The following XPO7 variants were observed in gnomAD, a reference collection of about 807,000 sequenced individuals.
XPO7 encodes exportin 7, also known as exportin-7.
XPO7 carries 21 observed loss-of-function variants against 144.3 expected under a neutral mutation model. The observed-to-expected ratio is 0.15, with a 90% confidence interval of 0.10 to 0.21. The LOEUF (loss-of-function observed/expected upper bound fraction) is 0.21, where lower values mean the gene tolerates loss of function less well. Among genes scored for constraint, XPO7 ranks in the 10% least tolerant of loss-of-function variants. The pLI, the probability that XPO7 is intolerant of heterozygous loss-of-function variation, is 1.00. For missense variants in XPO7, 808 were observed against 1,325.8 expected (o/e 0.61, Z 6.06); for synonymous variants, 580 against 499.6 (o/e 1.16, Z -2.15).
chr8:22,005,117 C>G lies in XPO7; in HGVS notation c.*29C>G. ...CTCCTTGGACTCTACCTGTACAGAGCAGCGTCCCTTTGGTTTGGCCCAGAG... is the reference window on the plus strand; with the variant it reads ...CTCCTTGGACTCTACCTGTACAGAGGAGCGTCCCTTTGGTTTGGCCCAGAG... On this transcript the variant is annotated 3_prime_UTR_variant, in exon 28 of 28. Transcript: ENST00000252512. 1 of 1,565,382 alleles carries G rather than the reference C, an allele frequency of 6.4e-7. No individual in the cohort carries two copies. Among genetic ancestry groups the G allele is most frequent in the Non-Finnish European group, 8.7e-7 (1 of 1,144,858 alleles).
At chr8:21,949,644 C>T (rs1811305855) in intron 1 of XPO7, among the ~76,000 whole-genome samples, 1 of 152,202 alleles carries the variant, frequency 6.6e-6, no homozygotes, top group Non-Finnish European at 1.5e-5. Flanking sequence ...TTCTTTCCCC[C>T]ATATAACAAC....
intron 16 of XPO7, among the ~76,000 whole-genome samples, chr8:21,990,100 C>T (rs375165730): frequency 1.3e-4 from 19 of 151,876 alleles, no homozygotes; most frequent in African/African-American, 4.6e-4. Flanking sequence ...CTGCCCTCCT[C>T]GGCCTCTCAA....
At chr8:21,972,793 A>G (rs999292692) in intron 5 of XPO7, among the ~76,000 whole-genome samples, 3 of 152,192 alleles carry the variant, frequency 2.0e-5, no homozygotes, top group African/African-American at 7.2e-5. Context: ...TATTGCTCAT[A>G]ATTCTGCAGA....
At chr8:21,930,808 TC>T (rs762714413) in intron 1 of XPO7, among the ~76,000 whole-genome samples, 1 of 152,210 alleles carries the variant, frequency 6.6e-6, no homozygotes, top group African/African-American at 2.4e-5. Context: ...CACATTTTTT[TC>T]ATAGTGAAAT....
intron 8 of XPO7, among the ~76,000 whole-genome samples, chr8:21,978,131 T>C (rs965312311): frequency 6.6e-6 from 1 of 152,206 alleles, no homozygotes; most frequent in Non-Finnish European, 1.5e-5. Flanking sequence ...GGCCACAGGC[T>C]AGCACCTGGG....
chr8:21,940,163 T>G (rs775015654), intron 1 of XPO7, among the ~76,000 whole-genome samples: 2 of 152,172 alleles, frequency 1.3e-5, no homozygotes, highest in Non-Finnish European at 2.9e-5. Context: ...TAATGATATT[T>G]TAAAAGTAAT....
In XPO7 at chr8:21,970,190, T is replaced by C; in HGVS notation, c.306T>C (p.Thr102=). The C allele has an allele frequency of 6.2e-7, 1 of 1,613,822 alleles. No individual in the cohort carries two copies. The change falls in exon 4 of 28, where the codon ACT becomes ACC. Residue 102 remains threonine (T), a synonymous_variant. Transcript: ENST00000252512. The part of the protein sequence containing the change: ...NYLATRPKLA[T]FVTQALIQLY... ...TTGCCACTCGGCCGAAGTTGGCTAC[T>C]TTCGTGACACAAGCACTTATTCAGT... is the stretch of plus-strand genomic sequence containing the variant.
chr8:21,963,123 T>C (rs1461404315), intron 1 of XPO7, among the ~76,000 whole-genome samples: 4 of 152,238 alleles, frequency 2.6e-5, no homozygotes, highest in Admixed American at 6.5e-5. Flanking sequence ...AGCTACAAAA[T>C]TGGTAAATCT....
intron 5 of XPO7, among the ~76,000 whole-genome samples, chr8:21,973,105 A>T (rs1812119506): frequency 6.6e-6 from 1 of 152,256 alleles, no homozygotes; most frequent in Non-Finnish European, 1.5e-5. Flanking sequence ...CATTTGCCTA[A>T]GGTTTCACAA....
At chr8:21,932,328 G>T (rs1270615910) in intron 1 of XPO7, among the ~76,000 whole-genome samples, 1 of 152,204 alleles carries the variant, frequency 6.6e-6, no homozygotes, top group Non-Finnish European at 1.5e-5. Context: ...TCCAGAGAAT[G>T]AGAAAACTAG....
At chr8:21,997,852 A>G (rs1363756892) in intron 21 of XPO7, among the ~76,000 whole-genome samples, 1 of 151,754 alleles carries the variant, frequency 6.6e-6, no homozygotes, top group Non-Finnish European at 1.5e-5. Flanking sequence ...GGTGGGGGGG[A>G]GGAAGGAGGA....
intron 1 of XPO7, among the ~76,000 whole-genome samples, chr8:21,933,501 A>T (rs1024344861): frequency 6.6e-6 from 1 of 152,180 alleles, no homozygotes; most frequent in African/African-American, 2.4e-5. Flanking sequence ...TCAAGGCTAT[A>T]TATATCATTA....
intron 1 of XPO7, among the ~76,000 whole-genome samples, chr8:21,931,937 G>A (rs778612999): frequency 5.3e-5 from 8 of 152,088 alleles, no homozygotes; most frequent in Non-Finnish European, 1.0e-4. Flanking sequence ...CAGTGGCGCG[G>A]TCTTGGCTCA....
intron 2 of XPO7, among the ~76,000 whole-genome samples, chr8:21,967,360 C>T (rs1323164576): frequency 1.3e-5 from 2 of 152,064 alleles, no homozygotes; most frequent in African/African-American, 4.8e-5. Context: ...GACGGAGTTT[C>T]GCTCTTGTTG....
intron 25 of XPO7, 28 bp downstream of exon 25, chr8:22,002,300 T>A: frequency 6.2e-7 from 1 of 1,605,198 alleles, no homozygotes; most frequent in Non-Finnish European, 8.5e-7. Flanking sequence ...TAGGAGGCAG[T>A]GATGGGGTGT....
intron 21 of XPO7, among the ~76,000 whole-genome samples, chr8:21,998,407 C>T (rs1234485397): frequency 6.6e-6 from 1 of 152,156 alleles, no homozygotes; most frequent in Non-Finnish European, 1.5e-5. Flanking sequence ...CGCCACCGCA[C>T]TCTAGCCTGG....
At chr8:21,966,428 A>G (rs1446903752) in intron 1 of XPO7, 1 of 660,762 alleles carries the variant, frequency 1.5e-6, no homozygotes, top group Non-Finnish European at 2.8e-6. Flanking sequence ...ATTTAAAGCT[A>G]TATGAAAATG....
rs7011519 is a variant in XPO7 at position 21,927,533 on chromosome 8, C to A, written c.18+7745C>A. ...TTGATAGGGTGAGACTTAAAAAAAACCAACCTTTTTTTTTTTTTTTTTTTT... is the reference window on the plus strand; with the variant it reads ...TTGATAGGGTGAGACTTAAAAAAAAACAACCTTTTTTTTTTTTTTTTTTTT... On this transcript the variant is annotated intron_variant, in intron 1 of 27. Transcript: ENST00000252512. 2.8e-3 allele frequency among the ~76,000 whole-genome samples: 417 copies of A among 148,448 alleles called. 2 individuals are homozygous for A. The highest frequency in any genetic ancestry group is 5.4e-3 in the African/African-American group (212 of 39,604).
chr8:21,979,431 G>A (rs564190864), intron 8 of XPO7, among the ~76,000 whole-genome samples: 14 of 143,772 alleles, frequency 9.7e-5, no homozygotes, highest in Non-Finnish European at 1.5e-4. Flanking sequence ...TTTTTGAGAC[G>A]GAGTCTCTCA....
Sources: allele counts gnomAD v4.1 joint callset (sites outside exome capture counted in the v4.1 genomes callset), GRCh38; gene constraint gnomAD v4.1.1; transcripts MANE v1.5; gene names NCBI Gene and HGNC (gene_info 2026-07-23, HGNC 2026-07-21).